Variants in TGFB2 observed in about 807,000 individuals in gnomAD.
TGFB2 encodes transforming growth factor beta-2 proprotein.
A neutral mutation model predicts 42.7 loss-of-function variants in TGFB2; 13 were observed. That is an observed-to-expected ratio of 0.30 (90% CI 0.20 to 0.48). The LOEUF (loss-of-function observed/expected upper bound fraction) is 0.48, where lower values mean the gene tolerates loss of function less well. Among genes scored for constraint, TGFB2 ranks in the 20% least tolerant of loss-of-function variants. TGFB2 has a pLI of 0.99. For missense variants in TGFB2, 390 were observed against 517.5 expected (o/e 0.75, Z 2.39); for synonymous variants, 193 against 193.6 (o/e 1.00, Z 0.03).
At chr1:218,375,151 C>G (rs1425940107) in intron 1 of TGFB2, among the ~76,000 whole-genome samples, 1 of 152,178 alleles carries the variant, frequency 6.6e-6, no homozygotes, top group African/African-American at 2.4e-5. Context: ...TAATGGGCCT[C>G]TATGTTTCTT....
intron 1 of TGFB2, among the ~76,000 whole-genome samples, chr1:218,356,202 G>T (rs1257590601): frequency 6.6e-6 from 1 of 152,014 alleles, no homozygotes; most frequent in Admixed American, 6.6e-5. Context: ...TTGTTTCAAA[G>T]GGTATATAAA....
intron 1 of TGFB2, among the ~76,000 whole-genome samples, chr1:218,394,130 C>T (rs1313433147): frequency 1.3e-5 from 2 of 152,082 alleles, no homozygotes; most frequent in Admixed American, 1.3e-4. Context: ...AGGATGGTCT[C>T]GATCTCCTGA....
intron 1 of TGFB2, among the ~76,000 whole-genome samples, chr1:218,402,280 T>C (rs942759836): frequency 3.9e-5 from 6 of 152,182 alleles, no homozygotes; most frequent in Non-Finnish European, 7.3e-5. Context: ...TATTAGACAG[T>C]TGAAATATAA....
At chr1:218,389,443 G>T (rs1658251874) in intron 1 of TGFB2, among the ~76,000 whole-genome samples, 1 of 152,168 alleles carries the variant, frequency 6.6e-6, no homozygotes, top group Non-Finnish European at 1.5e-5. Context: ...ATATGCACCT[G>T]CTTTCAAGTA....
intron 1 of TGFB2, among the ~76,000 whole-genome samples, chr1:218,379,817 C>G (rs1472795366): frequency 1.3e-5 from 2 of 152,160 alleles, no homozygotes; most frequent in Non-Finnish European, 2.9e-5. Flanking sequence ...ATGGAGGAAG[C>G]TGGGTCTTAA....
intron 1 of TGFB2, among the ~76,000 whole-genome samples, chr1:218,358,436 T>C (rs1657106419): frequency 6.6e-6 from 1 of 152,208 alleles, no homozygotes; most frequent in African/African-American, 2.4e-5. Flanking sequence ...TAAAATATGA[T>C]CATTTATTCC....
Position 218,437,320 on chromosome 1 carries a change from CTTTT to C in TGFB2, c.933-9_933-6del, listed in dbSNP as rs11285412. ...TGAATCAGCTTTAAAATCTCCATTG[CTTTT>C]TTTTTTTTTTTTTAACAGAAATGTG... On this transcript the variant is annotated intron_variant, in intron 5 of 6. Coordinates refer to ENST00000366930, the MANE Select transcript of TGFB2 (RefSeq NM_003238.6). 4.2e-4 allele frequency: 606 copies of C among 1,428,718 alleles called. No homozygotes were observed. Among genetic ancestry groups the C allele is most frequent in the South Asian group, 1.6e-3 (110 of 67,826 alleles). 88.5% of individuals were successfully genotyped at this position (1,428,718 alleles called of 1,614,324 possible).
chr1:218,346,787 T>C lies in TGFB2; in HGVS notation c.86T>C (p.Met29Thr). 2 of 1,614,186 alleles carry C rather than the reference T, an allele frequency of 1.2e-6. No homozygotes were observed. The highest frequency in any genetic ancestry group is 1.7e-6 in the Non-Finnish European group (2 of 1,180,036). The change falls in exon 1 of 7, where the codon ATG (methionine) becomes ACG (threonine). Residue 29 changes from methionine to threonine, a missense_variant. Transcript: ENST00000366930. This position sits in a 1 kb window ranked among gnomAD's most constrained non-coding sequence, Gnocchi z 4.9. ...LSLSTCSTLDMDQFMRKRIEA... is the reference protein window; with the variant it reads ...LSLSTCSTLDTDQFMRKRIEA... Reference sequence around the variant, plus strand: ...CTGTCTACCTGCAGCACACTCGATATGGACCAGTTCATGCGCAAGAGGATC... The same window carrying C: ...CTGTCTACCTGCAGCACACTCGATACGGACCAGTTCATGCGCAAGAGGATC...
In TGFB2 at chr1:218,441,129, A is replaced by G; in HGVS notation, c.1087-75A>G. The G allele has an allele frequency of 6.3e-6, 9 of 1,424,426 alleles. No homozygotes were observed. In the South Asian group the frequency reaches 1.0e-4, roughly 16 times the overall value. The allele number at this position is 1,424,426 out of a possible 1,614,324, so 88.2% of individuals were successfully genotyped here. A position where few individuals can be genotyped will look rare whatever the true frequency, so the allele number is the denominator to read the frequency against. ...AGTGCTGTGACTGCTAACAATGTGG[A>G]ATTCTTTTTAAAAACGAATTGCGTT... is the stretch of plus-strand genomic sequence containing the variant. On this transcript the variant is annotated intron_variant, in intron 6 of 6. Coordinates refer to ENST00000366930, the MANE Select transcript of TGFB2 (RefSeq NM_003238.6).
rs142630553 is a variant in TGFB2, at chr1:218,409,294, A to G, written c.510+3962A>G. ...TTTACCACTGTATCACAGTAACGCT[A>G]TCTCAGATAATCAGACCACAGAAGC... On this transcript the variant is annotated intron_variant, in intron 2 of 6. Transcript: ENST00000366930. Among the ~76,000 whole-genome samples, 209 of 152,340 alleles carry G rather than the reference A, an allele frequency of 1.4e-3. 1 individual carries two copies. The highest frequency in any genetic ancestry group is 4.5e-3 in the African/African-American group (188 of 41,570).
intron 1 of TGFB2, among the ~76,000 whole-genome samples, chr1:218,350,388 C>T (rs1417488): frequency 0.31 from 47,199 of 151,796 alleles, 7,887 homozygotes; most frequent in African/African-American, 0.43. Context: ...GGGGTGCTAC[C>T]GGTATTTAGT....
intron 2 of TGFB2, among the ~76,000 whole-genome samples, chr1:218,417,306 ACT>A (rs2102608048): frequency 6.6e-6 from 1 of 152,156 alleles, no homozygotes; most frequent in East Asian, 1.9e-4. Context: ...AGCAAAGGTG[ACT>A]CTACGCTTTG....
At chr1:218,428,183 T>C (rs1659688734) in intron 2 of TGFB2, among the ~76,000 whole-genome samples, 1 of 152,206 alleles carries the variant, frequency 6.6e-6, no homozygotes, top group Non-Finnish European at 1.5e-5. Flanking sequence ...ATGGGGTTGT[T>C]TGATTTTTTC....
intron 6 of TGFB2, among the ~76,000 whole-genome samples, chr1:218,440,486 A>G (rs1660117287): frequency 6.6e-6 from 1 of 152,098 alleles, no homozygotes; most frequent in African/African-American, 2.4e-5. Flanking sequence ...CTGGTCCTGA[A>G]CTCCTACACT....
intron 1 of TGFB2, among the ~76,000 whole-genome samples, chr1:218,401,885 G>A (rs758225426): frequency 6.6e-6 from 1 of 152,204 alleles, no homozygotes; most frequent in African/African-American, 2.4e-5. Context: ...TGTATAGGGT[G>A]TTTATGAAGT....
In TGFB2 at chr1:218,422,019, G is replaced by C. The variant is rs1464475145; in HGVS notation, c.511-12063G>C. On this transcript the variant is annotated intron_variant, in intron 2 of 6. Transcript: ENST00000366930. The stretch of plus-strand genomic sequence containing the variant: ...ACTTCTAGCCCCCAGATTTGTGACA[G>C]GATAAGTTAGTGTTATAAGTCACCC... 2.6e-5 allele frequency among the ~76,000 whole-genome samples: 4 copies of C among 152,190 alleles called. No homozygotes were observed. In the East Asian group the frequency reaches 7.7e-4, roughly 29 times the overall value.
intron 1 of TGFB2, among the ~76,000 whole-genome samples, chr1:218,361,328 G>A (rs1372160017): frequency 1.3e-5 from 2 of 152,176 alleles, no homozygotes; most frequent in African/African-American, 4.8e-5. Flanking sequence ...AAGAAAAGAA[G>A]GGATTTTAAT....
chr1:218,433,102 T>C (rs1659862151), intron 2 of TGFB2, among the ~76,000 whole-genome samples: 1 of 152,176 alleles, frequency 6.6e-6, no homozygotes, highest in South Asian at 2.1e-4. Context: ...GCAATCCCAC[T>C]CTGTCACCCA....
At chr1:218,347,123 G>A in intron 1 of TGFB2, 76 bp downstream of exon 1, 1 of 1,380,096 alleles carries the variant, frequency 7.2e-7, no homozygotes, top group Non-Finnish European at 9.9e-7. Context: ...CAGCTCCCGG[G>A]ATCGCCCTTC....
Sources: gnomAD v4.1 joint callset for allele counts (sites outside exome capture counted in the v4.1 genomes callset) on GRCh38, gnomAD v4.1.1 for gene constraint, Gnocchi (gnomAD v3.1) non-coding constraint, MANE v1.5 for transcripts, NCBI Gene and HGNC (gene_info 2026-07-23, HGNC 2026-07-21) for gene names.